VSNL1: variants seen among roughly 807,000 people sequenced by gnomAD.
VSNL1 encodes the protein visinin-like protein 1.
VSNL1 carries 6 observed loss-of-function variants against 20.4 expected under a neutral mutation model. The ratio of observed to expected loss-of-function variants is 0.29; its 90% CI spans 0.16 to 0.58. VSNL1 has a LOEUF of 0.58. VSNL1 is among the 20% of genes least tolerant of loss of function. The pLI, the probability that VSNL1 is intolerant of heterozygous loss-of-function variation, is 0.90. For missense variants in VSNL1, 100 were observed against 234.5 expected (o/e 0.43, Z 3.75); for synonymous variants, 93 against 86.4 (o/e 1.08, Z -0.42).
intron 1 of VSNL1, among the ~76,000 whole-genome samples, chr2:17,585,080 T>G (rs1229484661): frequency 6.6e-6 from 1 of 152,200 alleles, no homozygotes; most frequent in Non-Finnish European, 1.5e-5. Context: ...TTGCCTTATC[T>G]TGAGTCCCCA....
At chr2:17,571,873 G>C (rs1204049722) in intron 1 of VSNL1, among the ~76,000 whole-genome samples, 2 of 152,212 alleles carry the variant, frequency 1.3e-5, no homozygotes, top group African/African-American at 4.8e-5. Context: ...GCAGTGATCT[G>C]ACTGGCAAGA....
At chr2:17,566,157 T>A (rs1029820042) in intron 1 of VSNL1, among the ~76,000 whole-genome samples, 2 of 152,218 alleles carry the variant, frequency 1.3e-5, no homozygotes, top group African/African-American at 4.8e-5. Flanking sequence ...TTGTTATTTA[T>A]TCCCTTTTTG....
intron 2 of VSNL1, among the ~76,000 whole-genome samples, chr2:17,631,980 G>A (rs1019849965): frequency 6.6e-6 from 1 of 152,154 alleles, no homozygotes; most frequent in Non-Finnish European, 1.5e-5. Flanking sequence ...TCCGCCTCCC[G>A]GGTTCAAGTA....
chr2:17,552,934 A>C (rs1471967882), intron 1 of VSNL1, among the ~76,000 whole-genome samples: 1 of 152,192 alleles, frequency 6.6e-6, no homozygotes, highest in East Asian at 1.9e-4. Flanking sequence ...AAATTTTGGA[A>C]AATGAAAATT....
chr2:17,560,209 C>T (rs13430795), intron 1 of VSNL1, among the ~76,000 whole-genome samples: 2 of 65,862 alleles, frequency 3.0e-5, no homozygotes, highest in Non-Finnish European at 7.2e-5. Context: ...TATATATATA[C>T]ATATATATAT....
intron 1 of VSNL1, among the ~76,000 whole-genome samples, chr2:17,552,181 C>A (rs868292822): frequency 8.4e-5 from 11 of 131,502 alleles, no homozygotes; most frequent in African/African-American, 2.7e-4. Context: ...GCCTGGGCGA[C>A]AGAGCGAGAT....
intron 1 of VSNL1, among the ~76,000 whole-genome samples, chr2:17,571,048 A>G (rs1664069925): frequency 6.6e-6 from 1 of 152,158 alleles, no homozygotes; most frequent in Non-Finnish European, 1.5e-5. Context: ...GGCAAAACTA[A>G]TTTACCCAAA....
chr2:17,570,963 T>A (rs1050286155), intron 1 of VSNL1, among the ~76,000 whole-genome samples: 2 of 151,922 alleles, frequency 1.3e-5, no homozygotes, highest in Non-Finnish European at 2.9e-5. Flanking sequence ...GAGGCGAAGA[T>A]TGCAGTAAGC....
At chr2:17,637,722 C>G (rs887778037) in intron 2 of VSNL1, among the ~76,000 whole-genome samples, 1 of 152,226 alleles carries the variant, frequency 6.6e-6, no homozygotes, top group African/African-American at 2.4e-5. Context: ...GCAGAATTTG[C>G]ATTTTCATGA....
intron 2 of VSNL1, among the ~76,000 whole-genome samples, chr2:17,633,189 A>G (rs1353014575): frequency 6.6e-6 from 1 of 152,042 alleles, no homozygotes; most frequent in African/African-American, 2.4e-5. Context: ...TAAAACCATC[A>G]GATCTCGTGA....
intron 1 of VSNL1, among the ~76,000 whole-genome samples, chr2:17,589,167 G>A (rs1664542963): frequency 1.3e-5 from 2 of 152,126 alleles, no homozygotes; most frequent in Admixed American, 1.3e-4. Context: ...GAAAATGGGG[G>A]GAAGTCATTC....
intron 1 of VSNL1, among the ~76,000 whole-genome samples, chr2:17,579,982 A>C (rs1251327930): frequency 6.6e-6 from 1 of 152,192 alleles, no homozygotes. Flanking sequence ...ATCGGGAGAC[A>C]CAGTGCTGGG....
chr2:17,576,165 A>G (rs1664209515), intron 1 of VSNL1, among the ~76,000 whole-genome samples: 1 of 152,190 alleles, frequency 6.6e-6, no homozygotes, highest in Non-Finnish European at 1.5e-5. Context: ...TTTTTGCAGT[A>G]ACTAGTTGTA....
intron 1 of VSNL1, among the ~76,000 whole-genome samples, chr2:17,544,618 C>G (rs984930007): frequency 4.6e-5 from 7 of 152,152 alleles, no homozygotes; most frequent in African/African-American, 1.7e-4. Flanking sequence ...CACAGAATAA[C>G]AGTTCAGCAT....
intron 2 of VSNL1, among the ~76,000 whole-genome samples, chr2:17,593,645 G>A (rs4038130): frequency 0.11 from 16,708 of 152,166 alleles, 1,182 homozygotes; most frequent in African/African-American, 0.2. Flanking sequence ...CTAATCAACA[G>A]AATAAGTAGT....
In VSNL1 at chr2:17,649,355, G is replaced by T. The variant is rs191445395; in HGVS notation, c.163-55G>T. ...GATGCCGTCATTAGGAACCTACCTC[G>T]TCGCCCCGATTCCATCCCCTCCCGA... On this transcript the variant is annotated intron_variant, in intron 2 of 3. Coordinates refer to ENST00000295156, the MANE Select transcript of VSNL1 (RefSeq NM_003385.5). This position sits in a 1 kb window ranked among gnomAD's most constrained non-coding sequence, Gnocchi z 6.4. 5.2e-5 allele frequency: 81 copies of T among 1,559,382 alleles called. No homozygotes were observed. In the East Asian group the frequency reaches 1.8e-3, roughly 34 times the overall value.
intron 2 of VSNL1, among the ~76,000 whole-genome samples, chr2:17,642,094 G>A (rs531807584): frequency 3.3e-5 from 5 of 152,248 alleles, no homozygotes; most frequent in African/African-American, 7.2e-5. Context: ...ACAAGATGAC[G>A]TGACCTTAGT....
chr2:17,629,810 A>G (rs770841616), intron 2 of VSNL1, among the ~76,000 whole-genome samples: 9 of 152,214 alleles, frequency 5.9e-5, no homozygotes, highest in Non-Finnish European at 1.2e-4. Flanking sequence ...GGATGGGCAG[A>G]GAAGAATTTT....
chr2:17,562,635 G>C (rs2103349339), intron 1 of VSNL1, among the ~76,000 whole-genome samples: 1 of 152,202 alleles, frequency 6.6e-6, no homozygotes, highest in East Asian at 1.9e-4. Flanking sequence ...ATTGCACTAA[G>C]GCAGATGTAC....
Sources: gnomAD v4.1 joint callset for allele counts (sites outside exome capture counted in the v4.1 genomes callset) on GRCh38, gnomAD v4.1.1 for gene constraint, Gnocchi (gnomAD v3.1) non-coding constraint, MANE v1.5 for transcripts, NCBI Gene and HGNC (gene_info 2026-07-23, HGNC 2026-07-21) for gene names.